MED27: variants seen among roughly 807,000 people sequenced by gnomAD.
The protein encoded by MED27 is mediator complex subunit 27.
A neutral mutation model predicts 38.2 loss-of-function variants in MED27; 30 were observed. That is an observed-to-expected ratio of 0.79 (90% confidence interval 0.59 to 1.07). MED27 has a LOEUF of 1.07. Among genes scored for constraint, MED27 ranks in the 50% least tolerant of loss-of-function variants. The pLI is 0.00. For synonymous variants in MED27, 122 were observed against 153.5 expected (o/e 0.79, Z 1.52); for missense variants, 289 against 397.5 (o/e 0.73, Z 2.32).
At chr9:131,888,520 AC>A (rs1479019768) in intron 5 of MED27, among the ~76,000 whole-genome samples, 1 of 152,250 alleles carries the variant, frequency 6.6e-6, no homozygotes, top group African/African-American at 2.4e-5. Context: ...AACCACTGCC[AC>A]TAAAATTCAT....
chr9:131,867,166 A>G (rs779646693), intron 6 of MED27, among the ~76,000 whole-genome samples: 2 of 152,230 alleles, frequency 1.3e-5, no homozygotes, highest in African/African-American at 2.4e-5. Flanking sequence ...TCATGTGTGC[A>G]GACGGTGAGA....
At chr9:131,935,805 T>G (rs1391457905) in intron 4 of MED27, among the ~76,000 whole-genome samples, 1 of 152,102 alleles carries the variant, frequency 6.6e-6, no homozygotes, top group Non-Finnish European at 1.5e-5. Flanking sequence ...AATTTACATA[T>G]ACATTACATA....
intron 2 of MED27, among the ~76,000 whole-genome samples, chr9:132,053,232 G>A (rs1227085249): frequency 4.8e-5 from 7 of 146,530 alleles, no homozygotes; most frequent in Non-Finnish European, 7.4e-5. Context: ...CAGCCTGGGC[G>A]ACAGAGCGAG....
At chr9:132,077,616 C>T (rs1269940786) in intron 1 of MED27, 30 bp from the exon 2 acceptor site, 36 of 1,612,886 alleles carry the variant, frequency 2.2e-5, no homozygotes, top group Non-Finnish European at 2.8e-5. Flanking sequence ...GGCAAATAAA[C>T]CTAAGCCCAT....
Position 131,889,931 on chromosome 9 carries a change from G to T in MED27, c.681+3954C>A. Among the ~76,000 whole-genome samples the T allele has an allele frequency of 6.6e-6, 1 of 152,190 alleles. No homozygotes were observed. Among genetic ancestry groups the T allele is most frequent in the Non-Finnish European group, 1.5e-5 (1 of 68,046 alleles). On this transcript the variant is annotated intron_variant, in intron 5 of 7. Transcript: ENST00000292035. The surrounding 1 kb of genome is among the most constrained non-coding windows in gnomAD (Gnocchi z 4.2). ...CTAGGCACCAACTCAGCAAACGCAG[G>T]CTGCGTCCCGGGAGCAGCGACGTCT...
At chr9:132,011,470 A>G (rs200319093) in intron 3 of MED27, among the ~76,000 whole-genome samples, 2 of 152,332 alleles carry the variant, frequency 1.3e-5, no homozygotes, top group East Asian at 3.9e-4. Flanking sequence ...TCTAGCCAAC[A>G]TCAAACATAA....
rs1831752813 is a variant in MED27 at position 131,982,301 on chromosome 9, T to C, written c.479+32036A>G. Among the ~76,000 whole-genome samples the C allele has an allele frequency of 6.6e-6, 1 of 152,126 alleles. No individual in the cohort carries two copies. On this transcript the variant is annotated intron_variant, in intron 3 of 7. Transcript: ENST00000292035. This position sits in a 1 kb window ranked among gnomAD's most constrained non-coding sequence, Gnocchi z 4.3. ...AAGTCCAGCTCTTCTGCTCAAGAGA[T>C]CACGTGCAGAGGCCACACGGAGAGG...
At chr9:131,911,896 T>C (rs574350401) in intron 4 of MED27, among the ~76,000 whole-genome samples, 2 of 152,324 alleles carry the variant, frequency 1.3e-5, no homozygotes, top group African/African-American at 4.8e-5. Context: ...TAACTGTCTA[T>C]TGCCTTTCTC....
At chr9:131,975,069 C>T (rs1464526655) in intron 3 of MED27, among the ~76,000 whole-genome samples, 1 of 152,146 alleles carries the variant, frequency 6.6e-6, no homozygotes. Flanking sequence ...CAAAAAGCCA[C>T]GAAAAGAAAC....
chr9:132,061,737 G>A (rs184094688), intron 2 of MED27, among the ~76,000 whole-genome samples: 7 of 152,284 alleles, frequency 4.6e-5, no homozygotes, highest in East Asian at 3.9e-4. Flanking sequence ...CCCATTCATC[G>A]CAGCTGCTCC....
intron 2 of MED27, among the ~76,000 whole-genome samples, chr9:132,058,561 C>T (rs891974209): frequency 7.9e-5 from 12 of 152,326 alleles, no homozygotes; most frequent in South Asian, 6.2e-4. Flanking sequence ...TTTGCTCCCC[C>T]TTCCAGTGCA....
intron 4 of MED27, among the ~76,000 whole-genome samples, chr9:131,897,728 A>T (rs187670987): frequency 1.1e-3 from 161 of 152,266 alleles, no homozygotes; most frequent in African/African-American, 3.6e-3. Context: ...GTACTATTTC[A>T]TTTACTCGTG....
At chr9:131,885,273 T>C (rs1297089066) in intron 5 of MED27, among the ~76,000 whole-genome samples, 1 of 152,230 alleles carries the variant, frequency 6.6e-6, no homozygotes, top group Middle Eastern at 3.2e-3. Context: ...TCAGAGCCTT[T>C]CATGAGCCCA....
At chr9:132,014,174 G>A (rs367731491) in intron 3 of MED27, among the ~76,000 whole-genome samples, 163 bp downstream of exon 3, 1 of 152,140 alleles carries the variant, frequency 6.6e-6, no homozygotes, top group East Asian at 1.9e-4. Flanking sequence ...CCGAGATCAT[G>A]CCACTGCATT....
chr9:131,876,726 G>C (rs564594051), intron 6 of MED27, among the ~76,000 whole-genome samples: 1 of 152,102 alleles, frequency 6.6e-6, no homozygotes, highest in Non-Finnish European at 1.5e-5. Flanking sequence ...ACCGTCTGCC[G>C]CCGCTCCTTC....
At chr9:131,906,375 A>G (rs769031322) in intron 4 of MED27, among the ~76,000 whole-genome samples, 1 of 152,272 alleles carries the variant, frequency 6.6e-6, no homozygotes, top group Non-Finnish European at 1.5e-5. Flanking sequence ...AAGGTCATCC[A>G]TGCCCAGTGC....
intron 4 of MED27, among the ~76,000 whole-genome samples, chr9:131,902,064 C>A (rs1292873745): frequency 6.6e-6 from 1 of 152,168 alleles, no homozygotes; most frequent in Non-Finnish European, 1.5e-5. Context: ...ACTCCTCCAG[C>A]CACCCAGCAA....
intron 2 of MED27, among the ~76,000 whole-genome samples, chr9:132,040,688 A>G (rs979606126): frequency 6.6e-6 from 1 of 152,228 alleles, no homozygotes; most frequent in African/African-American, 2.4e-5. Context: ...AGGAGCACTC[A>G]AGGTGACAAA....
chr9:131,975,765 T>C (rs561211979), intron 3 of MED27, among the ~76,000 whole-genome samples: 2 of 152,320 alleles, frequency 1.3e-5, no homozygotes, highest in African/African-American at 4.8e-5. Flanking sequence ...CAGGATCAAC[T>C]GGCTGCAAAG....
Sources: allele counts gnomAD v4.1 joint callset (sites outside exome capture counted in the v4.1 genomes callset), GRCh38; gene constraint gnomAD v4.1.1; non-coding constraint Gnocchi (gnomAD v3.1); transcripts MANE v1.5; gene names NCBI Gene and HGNC (gene_info 2026-07-23, HGNC 2026-07-21).